Variants in DYM observed in about 807,000 individuals in gnomAD.
The protein encoded by DYM is dymeclin, also known as dyggve-Melchior-Clausen syndrome protein.
Under a neutral mutation model 93.1 loss-of-function variants are expected in DYM, and 78 were observed. That is an observed-to-expected ratio of 0.84 (90% CI 0.70 to 1.01). DYM has a LOEUF of 1.01. Ranked by LOEUF, DYM falls within the 50% of genes least tolerant of loss-of-function variation. The pLI, the probability that DYM is intolerant of heterozygous loss-of-function variation, is 0.00. For missense variants in DYM, 789 were observed against 845.0 expected, an observed-to-expected ratio of 0.93 and a Z score of 0.82; for synonymous variants, 321 against 319.7, an observed-to-expected ratio of 1.00 and a Z score of -0.04.
At chr18:49,343,969 C>T (rs1032419741) in intron 6 of DYM, among the ~76,000 whole-genome samples, 4 of 146,506 alleles carry the variant, frequency 2.7e-5, no homozygotes, top group Non-Finnish European at 6.0e-5. Context: ...AAAAAAAAAT[C>T]ACTAGACTCC....
intron 10 of DYM, among the ~76,000 whole-genome samples, chr18:49,275,712 A>C (rs1368160106): frequency 6.6e-6 from 1 of 152,010 alleles, no homozygotes; most frequent in African/African-American, 2.4e-5. Flanking sequence ...CCCTATCTCT[A>C]TCTCTATTTT....
intron 17 of DYM, among the ~76,000 whole-genome samples, chr18:49,065,151 C>T (rs2144731090): frequency 6.6e-6 from 1 of 152,240 alleles, no homozygotes; most frequent in Admixed American, 6.5e-5. Context: ...AAATCACAAG[C>T]TTGGCTTGGG....
chr18:49,207,624 A>C (rs1001450869), intron 14 of DYM, among the ~76,000 whole-genome samples: 2 of 152,216 alleles, frequency 1.3e-5, no homozygotes, highest in African/African-American at 4.8e-5. Flanking sequence ...CCTGAGGAAG[A>C]AGGAATTCTG....
intron 6 of DYM, among the ~76,000 whole-genome samples, chr18:49,354,971 ATAGAATATAAATTT>A (rs2065417297): frequency 6.6e-6 from 1 of 151,582 alleles, no homozygotes; most frequent in East Asian, 2.0e-4. Context: ...GTCTAATCCC[ATAGAATATAAATTT>A]CTTACAAAAT....
At chr18:49,170,060 G>A (rs1348100814) in intron 14 of DYM, among the ~76,000 whole-genome samples, 1 of 152,094 alleles carries the variant, frequency 6.6e-6, no homozygotes, top group East Asian at 1.9e-4. Flanking sequence ...TGAAAGGGAG[G>A]GAGAGCGCTC....
intron 8 of DYM, among the ~76,000 whole-genome samples, chr18:49,292,336 G>GCAGACAGA (rs869253914): frequency 1.4e-4 from 14 of 101,348 alleles, no homozygotes; most frequent in African/African-American, 4.2e-4. Flanking sequence ...AGGCAGGCAG[G>GCAGACAGA]CAGACAGACA....
intron 17 of DYM, among the ~76,000 whole-genome samples, chr18:49,063,519 A>C (rs2076154961): frequency 6.6e-6 from 1 of 151,890 alleles, no homozygotes; most frequent in Non-Finnish European, 1.5e-5. Context: ...ACAACCATAC[A>C]ACAAGGTGAT....
At chr18:49,098,799 C>CA (rs2079826747) in intron 16 of DYM, among the ~76,000 whole-genome samples, 1 of 151,912 alleles carries the variant, frequency 6.6e-6, no homozygotes, top group African/African-American at 2.4e-5. Flanking sequence ...ACAGCAGGTC[C>CA]AAAAATTGAT....
chr18:49,268,466 T>C (rs2094609193), intron 11 of DYM, among the ~76,000 whole-genome samples: 1 of 152,234 alleles, frequency 6.6e-6, no homozygotes, highest in African/African-American at 2.4e-5. Flanking sequence ...CGAAGTTTAA[T>C]TTTAATGCAA....
intron 14 of DYM, chr18:49,208,329 C>T (rs937175275): frequency 6.6e-6 from 1 of 152,132 alleles, no homozygotes; most frequent in African/African-American, 2.4e-5. Flanking sequence ...ATGCAACTTA[C>T]CTGATATTCC....
At chr18:49,233,042 T>C (rs2093754506) in intron 13 of DYM, among the ~76,000 whole-genome samples, 1 of 152,132 alleles carries the variant, frequency 6.6e-6, no homozygotes, top group Non-Finnish European at 1.5e-5. Context: ...TGGGGGTGTC[T>C]AGCAGAGATT....
chr18:49,439,190 G>A (rs947416980), intron 1 of DYM, among the ~76,000 whole-genome samples: 7 of 152,002 alleles, frequency 4.6e-5, no homozygotes, highest in Non-Finnish European at 8.8e-5. Context: ...TTAACTCAAG[G>A]GTAATATATA....
intron 8 of DYM, among the ~76,000 whole-genome samples, chr18:49,291,981 G>A (rs1025813611): frequency 9.2e-5 from 14 of 152,090 alleles, no homozygotes; most frequent in Non-Finnish European, 2.1e-4. Context: ...ATCCATCACT[G>A]TGTGTTCCAG....
chr18:49,129,560 T>C (rs1328227754), intron 15 of DYM, among the ~76,000 whole-genome samples: 1 of 152,144 alleles, frequency 6.6e-6, no homozygotes, highest in Non-Finnish European at 1.5e-5. Flanking sequence ...AGCTAAAATG[T>C]TGATGAATTA....
intron 14 of DYM, among the ~76,000 whole-genome samples, chr18:49,173,793 A>G (rs1197882746): frequency 1.3e-5 from 2 of 152,164 alleles, no homozygotes; most frequent in Non-Finnish European, 2.9e-5. Flanking sequence ...AATAGTTAAT[A>G]AAATTTAAAA....
At chr18:49,139,803 C>A (rs776531748) in intron 15 of DYM, among the ~76,000 whole-genome samples, 84 of 152,294 alleles carry the variant, frequency 5.5e-4, no homozygotes, top group Non-Finnish European at 1.2e-4. Flanking sequence ...ACCCCATGGT[C>A]ATTCCCTTTG....
intron 13 of DYM, among the ~76,000 whole-genome samples, chr18:49,212,785 C>A (rs1380404046): frequency 2.0e-5 from 3 of 152,008 alleles, no homozygotes; most frequent in Non-Finnish European, 4.4e-5. Flanking sequence ...AAATAAGCCA[C>A]CATGTCCGGC....
chr18:49,082,918 G>A (rs569209948), intron 17 of DYM, among the ~76,000 whole-genome samples: 29 of 152,172 alleles, frequency 1.9e-4, no homozygotes, highest in Non-Finnish European at 3.8e-4. Flanking sequence ...GACGTTAGCC[G>A]TAGGTTTTTT....
At chr18:49,136,885 T>A (rs1363353741) in intron 15 of DYM, among the ~76,000 whole-genome samples, 1 of 152,118 alleles carries the variant, frequency 6.6e-6, no homozygotes, top group Non-Finnish European at 1.5e-5. Flanking sequence ...GGTTTGGGTA[T>A]AAGGAAAAGA....
Sources: allele counts gnomAD v4.1 joint callset (sites outside exome capture counted in the v4.1 genomes callset), GRCh38; gene constraint gnomAD v4.1.1; transcripts MANE v1.5; gene names NCBI Gene and HGNC (gene_info 2026-07-23, HGNC 2026-07-21).